The following SFSWAP variants were observed in gnomAD, a reference collection of about 807,000 sequenced individuals.
SFSWAP encodes the protein splicing factor, suppressor of white-apricot homolog.
In SFSWAP, 17 loss-of-function variants were observed where a neutral mutation model predicts 100.7. The observed-to-expected ratio is 0.17, with a 90% CI of 0.12 to 0.25. The LOEUF is 0.25. Ranked by LOEUF, SFSWAP falls within the 10% of genes least tolerant of loss-of-function variation. SFSWAP has a pLI of 1.00. For synonymous variants in SFSWAP, 504 were observed against 510.1 expected (o/e 0.99, Z 0.16); for missense variants, 1,005 against 1,262.6 (o/e 0.80, Z 3.09).
At chr12:131,726,429 C>T (rs1878985848) in intron 5 of SFSWAP, among the ~76,000 whole-genome samples, 1 of 152,198 alleles carries the variant, frequency 6.6e-6, no homozygotes, top group African/African-American at 2.4e-5. Flanking sequence ...AGGCTGGTCT[C>T]AAACTCCTGA....
chr12:131,752,789 G>A (rs1039624919), intron 7 of SFSWAP, among the ~76,000 whole-genome samples: 2 of 152,224 alleles, frequency 1.3e-5, no homozygotes, highest in Admixed American at 6.5e-5. Flanking sequence ...ACTGGTTGCC[G>A]CTAGAGAGGA....
chr12:131,753,400 C>G, intron 8 of SFSWAP, 37 bp downstream of exon 8: 1 of 1,586,484 alleles, frequency 6.3e-7, no homozygotes, highest in Non-Finnish European at 8.6e-7. Context: ...CTGTGTGAGT[C>G]ACTCAGCACT....
At chr12:131,723,703 C>T (rs1280857615) in intron 4 of SFSWAP, among the ~76,000 whole-genome samples, 1 of 152,160 alleles carries the variant, frequency 6.6e-6, no homozygotes, top group African/African-American at 2.4e-5. Flanking sequence ...TTCCAAAGCT[C>T]TTAGGAAACC....
At chr12:131,769,630 A>ATTTG in intron 13 of SFSWAP, among the ~76,000 whole-genome samples, 1 of 151,560 alleles carries the variant, frequency 6.6e-6, no homozygotes, top group East Asian at 1.9e-4. Context: ...TTATTTATTT[A>ATTTG]TTTGTTTGTT....
Position 131,718,986 on chromosome 12 carries a change from A to G in SFSWAP, c.521-468A>G, listed in dbSNP as rs115573921. ...GTTTAACTACAGTTAACCCTTGAAC[A>G]ACACAGGTTTGAATTGCGTAGGTCC... On this transcript the variant is annotated intron_variant, in intron 3 of 17. Transcript: ENST00000261674. Among the ~76,000 whole-genome samples the G allele has an allele frequency of 6.4e-3, 977 of 152,300 alleles. 11 individuals are homozygous for G. Among genetic ancestry groups the G allele is most frequent in the African/African-American group, 0.021 (868 of 41,554 alleles).
intron 7 of SFSWAP, among the ~76,000 whole-genome samples, chr12:131,739,831 C>T (rs1220411409): frequency 1.3e-5 from 2 of 152,274 alleles, no homozygotes; most frequent in East Asian, 3.9e-4. Context: ...GCATGAGCCA[C>T]TGCGCCCAGC....
chr12:131,746,757 C>A lies in SFSWAP; in HGVS notation c.1082-6366C>A, dbSNP rs978388313. Among the ~76,000 whole-genome samples the A allele has an allele frequency of 3.3e-5, 5 of 152,226 alleles. No homozygotes were observed. The South Asian group carries it at 1.0e-3, about 32-fold the overall frequency. On this transcript the variant is annotated intron_variant, in intron 7 of 17. Coordinates refer to ENST00000261674, the MANE Select transcript of SFSWAP (RefSeq NM_004592.4). ...AATTGCGGGGTGGGTATGACTTTCC[C>A]TAAGAATGTGGGTGCTGGATGCCGC...
chr12:131,785,196 C>T lies in SFSWAP; in HGVS notation c.2409-1267C>T, dbSNP rs373747889. ...CCACCACCAGATTTGACTCCGCGAGCTCTTTTGAGGGAAAACCTGGTAAAA... is the reference window on the plus strand; with the variant it reads ...CCACCACCAGATTTGACTCCGCGAGTTCTTTTGAGGGAAAACCTGGTAAAA... On this transcript the variant is annotated intron_variant, in intron 14 of 17. Coordinates refer to ENST00000261674, the MANE Select transcript of SFSWAP (RefSeq NM_004592.4). 17 of 1,535,250 alleles carry T rather than the reference C, an allele frequency of 1.1e-5. No homozygotes were observed. The African/African-American group carries it at 1.8e-4, about 16-fold the overall frequency.
chr12:131,778,306 C>T lies in SFSWAP; in HGVS notation c.2384C>T (p.Ala795Val). The T allele has an allele frequency of 1.9e-6, 3 of 1,613,916 alleles. No individual in the cohort carries two copies. Among genetic ancestry groups the T allele is most frequent in the Non-Finnish European group, 2.5e-6 (3 of 1,179,874 alleles). The change falls in exon 14 of 18, where the codon GCC becomes GTC. Residue 795 changes from alanine (A) to valine (V), a missense_variant. Physicochemically the swap from Ala to Val is moderately conservative, Grantham distance 64. This residue lies in a region of SFSWAP where 295 missense variants were observed against 347.9 expected (regional missense o/e 0.85). Transcript: ENST00000261674. This position sits in a 1 kb window ranked among gnomAD's most constrained non-coding sequence, Gnocchi z 4.2. ...AAAGCAAAGCATTCTCTTCCCAGTG[C>T]CTATCGGACAGTGCGGCGGTCGAGG... ...HSKAKHSLPS[A>V]YRTVRRSRSR...
Position 131,714,786 on chromosome 12 carries a change from C to T in SFSWAP, c.389-36C>T. 6.3e-7 allele frequency: 1 copy of T among 1,591,688 alleles called. No individual in the cohort carries two copies. The highest frequency in any genetic ancestry group is 8.6e-7 in the Non-Finnish European group (1 of 1,161,080). ...ATATAAAGTTTTTCTCAGTAATTTT[C>T]TATTTTTGTTGATAAAATTCTCATT... On this transcript the variant is annotated intron_variant, in intron 2 of 17. Coordinates refer to ENST00000261674, the MANE Select transcript of SFSWAP (RefSeq NM_004592.4). The surrounding 1 kb of genome is among the most constrained non-coding windows in gnomAD (Gnocchi z 6.0).
In SFSWAP at chr12:131,794,601, C is replaced by T. The variant is rs888431555; in HGVS notation, c.2535-2577C>T. Reference sequence around the variant, plus strand: ...ACAGACATAGCGTGGGGTTTGTCTACATAGAGCTTTAAGCTGTGTCCTAGA... The same window carrying T: ...ACAGACATAGCGTGGGGTTTGTCTATATAGAGCTTTAAGCTGTGTCCTAGA... On this transcript the variant is annotated intron_variant, in intron 15 of 17. Coordinates refer to ENST00000261674, the MANE Select transcript of SFSWAP (RefSeq NM_004592.4). This position sits in a 1 kb window ranked among gnomAD's most constrained non-coding sequence, Gnocchi z 4.8. Among the ~76,000 whole-genome samples the T allele has an allele frequency of 5.9e-5, 9 of 152,182 alleles. No individual in the cohort carries two copies. Among genetic ancestry groups the T allele is most frequent in the African/African-American group, 2.2e-4 (9 of 41,440 alleles).
chr12:131,721,007 A>G (rs1273567267), intron 4 of SFSWAP, among the ~76,000 whole-genome samples: 1 of 152,194 alleles, frequency 6.6e-6, no homozygotes, highest in Non-Finnish European at 1.5e-5. Flanking sequence ...GGGAGGCCTC[A>G]GGAAACTTAT....
In SFSWAP at chr12:131,766,144, G is replaced by A. The variant is rs752678078; in HGVS notation, c.1978G>A (p.Ala660Thr). 17 of 1,611,900 alleles carry A rather than the reference G, an allele frequency of 1.1e-5. No homozygotes were observed. The highest frequency in any genetic ancestry group is 1.4e-5 in the Non-Finnish European group (16 of 1,179,042). ...AAAGCAAAAGCTGGAAGATCGCCTCGCAGCTGCTGCCCGGGAAAAGCTGGC... is the reference window on the plus strand; with the variant it reads ...AAAGCAAAAGCTGGAAGATCGCCTCACAGCTGCTGCCCGGGAAAAGCTGGC... ...QAKQKLEDRL[A>T]AAAREKLAQA... The change falls in exon 13 of 18, where the codon GCA becomes ACA. Residue 660 changes from alanine to threonine, a missense_variant. Around this residue, in one of 7 missense-constraint regions of SFSWAP, gnomAD observed 82 missense variants for 131.0 expected, o/e 0.63. Transcript: ENST00000261674.
At chr12:131,776,746 C>T (rs886959943) in intron 13 of SFSWAP, among the ~76,000 whole-genome samples, 10 of 152,268 alleles carry the variant, frequency 6.6e-5, no homozygotes, top group African/African-American at 2.4e-4. Context: ...TGAATTTCTT[C>T]GAGGCACAAA....
intron 11 of SFSWAP, among the ~76,000 whole-genome samples, chr12:131,762,307 A>G (rs935184258): frequency 4.6e-5 from 7 of 152,142 alleles, no homozygotes; most frequent in Non-Finnish European, 1.0e-4. Context: ...GCACTTCAGG[A>G]GGCTCAGGCA....
At chr12:131,722,489 G>A (rs868335453) in intron 4 of SFSWAP, among the ~76,000 whole-genome samples, 3 of 152,168 alleles carry the variant, frequency 2.0e-5, no homozygotes, top group East Asian at 3.8e-4. Flanking sequence ...GTGCTTGCTC[G>A]AACACATTTT....
Position 131,799,660 on chromosome 12 carries a change from T to G in SFSWAP, c.*172T>G. On this transcript the variant is annotated 3_prime_UTR_variant, in exon 18 of 18. Coordinates refer to ENST00000261674, the MANE Select transcript of SFSWAP (RefSeq NM_004592.4). ...GATTTCTGACCAGCAGTCTCTTACC[T>G]GTATATTTGTAAATATATCATGTTT... The G allele has an allele frequency of 1.7e-6, 1 of 592,972 alleles. No homozygotes were observed. Among genetic ancestry groups the G allele is most frequent in the East Asian group, 2.8e-5 (1 of 35,246 alleles). 36.7% of individuals were successfully genotyped at this position (592,972 alleles called of 1,614,324 possible).
chr12:131,721,120 A>G (rs1593110983), intron 4 of SFSWAP, among the ~76,000 whole-genome samples: 2 of 152,154 alleles, frequency 1.3e-5, no homozygotes, highest in African/African-American at 4.8e-5. Context: ...AGATCTTACG[A>G]CAGCTCATTC....
chr12:131,733,152 A>G lies in SFSWAP; in HGVS notation c.1081+4724A>G, dbSNP rs1330252708. ...AGACAAGACAAAGGACATTTTGGCC[A>G]TGGACTTGAAACGTCAGCTGTATGA... On this transcript the variant is annotated intron_variant, in intron 7 of 17. Coordinates refer to ENST00000261674, the MANE Select transcript of SFSWAP (RefSeq NM_004592.4). This position sits in a 1 kb window ranked among gnomAD's most constrained non-coding sequence, Gnocchi z 5.1. Among the ~76,000 whole-genome samples the G allele has an allele frequency of 1.3e-5, 2 of 152,314 alleles. No homozygotes were observed. The highest frequency in any genetic ancestry group is 3.9e-4 in the East Asian group (2 of 5,176).
Sources: gnomAD v4.1 joint callset for allele counts (sites outside exome capture counted in the v4.1 genomes callset) on GRCh38, gnomAD v4.1.1 for gene constraint, gnomAD v4.1.1 regional missense constraint, Gnocchi (gnomAD v3.1) non-coding constraint, MANE v1.5 for transcripts, NCBI Gene and HGNC (gene_info 2026-07-23, HGNC 2026-07-21) for gene names.